The following KLHL2 variants were observed in gnomAD, a reference collection of about 807,000 sequenced individuals.
The protein encoded by KLHL2 is kelch like family member 2, also known as kelch-like protein 2.
In KLHL2, 15 loss-of-function variants were observed where a neutral mutation model predicts 75.8. That is an observed-to-expected ratio of 0.20 (90% CI 0.13 to 0.30). The LOEUF (loss-of-function observed/expected upper bound fraction) is 0.30. Ranked by LOEUF, KLHL2 falls within the 10% of genes least tolerant of loss-of-function variation. The probability of loss-of-function intolerance (pLI) is 1.00; values close to 1 mark genes in which losing one functional copy is unlikely to be tolerated. For synonymous variants in KLHL2, 214 were observed against 251.9 expected, an observed-to-expected ratio of 0.85 and a Z score of 1.42; for missense variants, 381 against 741.0, an observed-to-expected ratio of 0.51 and a Z score of 5.64.
intron 8 of KLHL2, 45 bp from the exon 9 acceptor site, chr4:165,305,563 A>G: frequency 7.0e-7 from 1 of 1,434,250 alleles, no homozygotes; most frequent in Non-Finnish European, 9.8e-7. Flanking sequence ...AATCCTGAAT[A>G]TGTAATAGTC....
intron 4 of KLHL2, among the ~76,000 whole-genome samples, chr4:165,245,230 C>A (rs576630121): frequency 6.6e-6 from 1 of 152,172 alleles, no homozygotes; most frequent in Admixed American, 6.5e-5. Flanking sequence ...ACAAAAAAAA[C>A]TGAGGGTAGC....
At chr4:165,268,627 G>A (rs1742437681) in intron 5 of KLHL2, among the ~76,000 whole-genome samples, 2 of 152,222 alleles carry the variant, frequency 1.3e-5, no homozygotes, top group Non-Finnish European at 2.9e-5. Context: ...GTGGTTTTGA[G>A]TGAATTTCTT....
chr4:165,297,591 T>G lies in KLHL2; in HGVS notation c.655-18T>G. On this transcript the variant is annotated intron_variant, in intron 6 of 14. Transcript: ENST00000226725. ...ACAACTCATTTCTTATTTTTTCTTCTCCTATATTTTCTGCAAGGTATTTGA... is the reference window on the plus strand; with the variant it reads ...ACAACTCATTTCTTATTTTTTCTTCGCCTATATTTTCTGCAAGGTATTTGA... The G allele has an allele frequency of 7.0e-7, 1 of 1,428,166 alleles. No individual in the cohort carries two copies. 88.5% of individuals were successfully genotyped at this position (1,428,166 alleles called of 1,614,324 possible). A position where few individuals can be genotyped will look rare whatever the true frequency, so the allele number is the denominator to read the frequency against.
rs1357342620 is a variant in KLHL2, at chr4:165,317,691, A to T, written c.1610-135A>T. On this transcript the variant is annotated intron_variant, in intron 13 of 14. Transcript: ENST00000226725. The stretch of plus-strand genomic sequence containing the variant: ...TCCTAATATAAAACGAATTCTTTTC[A>T]TGCTCACTATTTTCTCTTCTTGCCT... 3 of 679,244 alleles carry T rather than the reference A, an allele frequency of 4.4e-6. No individual in the cohort carries two copies. In the African/African-American group the frequency reaches 5.5e-5, roughly 12 times the overall value. 42.1% of individuals were successfully genotyped at this position (679,244 alleles called of 1,614,324 possible).
chr4:165,274,278 G>A (rs150813695), intron 5 of KLHL2, among the ~76,000 whole-genome samples: 1,755 of 152,202 alleles, frequency 0.012, 40 homozygotes, highest in East Asian at 0.11. Context: ...GCAGGACCTC[G>A]GGGTATTGTC....
intron 11 of KLHL2, among the ~76,000 whole-genome samples, chr4:165,312,731 A>G (rs980001388): frequency 2.0e-5 from 3 of 152,200 alleles, no homozygotes; most frequent in African/African-American, 7.2e-5. Context: ...TTAGTCATAC[A>G]GTATGTGATC....
At chr4:165,267,148 T>C (rs1208264514) in intron 5 of KLHL2, among the ~76,000 whole-genome samples, 1 of 152,216 alleles carries the variant, frequency 6.6e-6, no homozygotes. Flanking sequence ...CTTGTGATTT[T>C]TGCACATTGA....
At chr4:165,291,806 C>G (rs1450230295) in intron 5 of KLHL2, among the ~76,000 whole-genome samples, 1 of 152,058 alleles carries the variant, frequency 6.6e-6, no homozygotes, top group African/African-American at 2.4e-5. Context: ...ACAGCCTACT[C>G]ACATCCTCCC....
At chr4:165,218,970 G>T (rs962437624) in intron 1 of KLHL2, among the ~76,000 whole-genome samples, 2 of 152,094 alleles carry the variant, frequency 1.3e-5, no homozygotes, top group African/African-American at 4.8e-5. Context: ...CATTATAATT[G>T]TGCAATCTAA....
intron 5 of KLHL2, among the ~76,000 whole-genome samples, chr4:165,290,143 CT>C (rs1372572022): frequency 2.0e-5 from 3 of 151,714 alleles, no homozygotes; most frequent in Non-Finnish European, 4.4e-5. Flanking sequence ...TTTTAGAGCT[CT>C]TTTTTTATTT....
chr4:165,267,698 G>A (rs1365744702), intron 5 of KLHL2, among the ~76,000 whole-genome samples: 2 of 152,062 alleles, frequency 1.3e-5, no homozygotes, highest in African/African-American at 2.4e-5. Context: ...TTGATGTGCT[G>A]CTGGATTTGG....
At position 165,222,104 on chromosome 4, in the gene KLHL2, C is replaced by T. The variant is rs368497500; in HGVS notation, c.152+2045C>T. Among the ~76,000 whole-genome samples the T allele has an allele frequency of 2.3e-3, 346 of 152,088 alleles. 2 individuals carry two copies. The highest frequency in any genetic ancestry group is 7.9e-3 in the African/African-American group (326 of 41,498). ...TTAATGTGAGTGGGTCTCTGTTGAC[C>T]TGGGCATGACTCACTAAACTGCAGG... On this transcript the variant is annotated intron_variant, in intron 2 of 14. Coordinates refer to ENST00000226725, the MANE Select transcript of KLHL2 (RefSeq NM_007246.4).
intron 1 of KLHL2, chr4:165,209,963 G>A (rs1737090258): frequency 7.0e-7 from 1 of 1,438,608 alleles, no homozygotes. Context: ...TGGATCCCGT[G>A]TGCCGGATTT....
At position 165,278,211 on chromosome 4, in the gene KLHL2, A is replaced by C. The variant is rs773195236; in HGVS notation, c.544+14852A>C. 18 of 1,219,930 alleles carry C rather than the reference A, an allele frequency of 1.5e-5. No homozygotes were observed. The Admixed American group carries it at 2.9e-4, about 19-fold the overall frequency. The allele number at this position is 1,219,930 out of a possible 1,614,324, so 75.6% of individuals were successfully genotyped here. ...AACCGCTCCATCGTGACGGCGGACA[A>C]ATCCTCAGGTTCAAGACTCCATACG... On this transcript the variant is annotated intron_variant, in intron 5 of 14. Transcript: ENST00000226725.
chr4:165,254,437 T>G (rs1201623189), intron 4 of KLHL2, among the ~76,000 whole-genome samples: 1 of 151,074 alleles, frequency 6.6e-6, no homozygotes, highest in Non-Finnish European at 1.5e-5. Context: ...CTTATTCCAT[T>G]TTTTGGACTT....
intron 3 of KLHL2, among the ~76,000 whole-genome samples, chr4:165,233,163 C>A (rs1220720493): frequency 6.6e-6 from 1 of 151,974 alleles, no homozygotes; most frequent in African/African-American, 2.4e-5. Flanking sequence ...GTCATAGTTC[C>A]AAGTATTTGA....
rs916793575 is a variant in KLHL2 at position 165,311,519 on chromosome 4, T to A, written c.1293T>A (p.Ala431=). The change falls in exon 11 of 15, where the codon GCT becomes GCA. Residue 431 remains alanine (A), a synonymous_variant. Coordinates refer to ENST00000226725, the MANE Select transcript of KLHL2 (RefSeq NM_007246.4). ...NIKSNEWFHV[A]PMNTRRSSVG... is the part of the protein sequence containing the mutation. ...AGTCTAATGAGTGGTTTCATGTAGC[T>A]CCCATGAATACAAGGAGGAGCAGTG... 19 of 1,613,968 alleles carry A rather than the reference T, an allele frequency of 1.2e-5. No individual in the cohort carries two copies. The highest frequency in any genetic ancestry group is 1.4e-5 in the Non-Finnish European group (17 of 1,179,970).
At chr4:165,223,501 G>A (rs1361958154) in intron 2 of KLHL2, among the ~76,000 whole-genome samples, 1 of 152,228 alleles carries the variant, frequency 6.6e-6, no homozygotes, top group African/African-American at 2.4e-5. Flanking sequence ...GCCAGGGAGG[G>A]AATAAACGTC....
At chr4:165,229,813 G>C (rs1159892169) in intron 3 of KLHL2, among the ~76,000 whole-genome samples, 1 of 152,240 alleles carries the variant, frequency 6.6e-6, no homozygotes, top group Non-Finnish European at 1.5e-5. Context: ...GATTTCCCCA[G>C]ACCTGATGGA....
Sources: allele counts gnomAD v4.1 joint callset (sites outside exome capture counted in the v4.1 genomes callset), GRCh38; gene constraint gnomAD v4.1.1; transcripts MANE v1.5; gene names NCBI Gene and HGNC (gene_info 2026-07-23, HGNC 2026-07-21).